The following TMC5 variants were observed in gnomAD, a reference collection of about 807,000 sequenced individuals.
TMC5 encodes transmembrane channel like 5.
TMC5 carries 86 observed loss-of-function variants against 110.5 expected under a neutral mutation model. That is an observed-to-expected ratio of 0.78 (90% CI 0.65 to 0.93). The LOEUF (loss-of-function observed/expected upper bound fraction) is 0.93, where lower values mean the gene tolerates loss of function less well. TMC5 is among the 40% of genes least tolerant of loss of function. The pLI, the probability that TMC5 is intolerant of heterozygous loss-of-function variation, is 0.00. For synonymous variants in TMC5, 455 were observed against 439.5 expected, an observed-to-expected ratio of 1.04 and a Z score of -0.44; for missense variants, 1,144 against 1,222.8, an observed-to-expected ratio of 0.94 and a Z score of 0.96.
intron 5 of TMC5, among the ~76,000 whole-genome samples, chr16:19,452,677 G>C (rs1445523206): frequency 6.6e-6 from 1 of 152,062 alleles, no homozygotes; most frequent in Non-Finnish European, 1.5e-5. Flanking sequence ...AGATCAAAGG[G>C]TGTATGATCT....
Position 19,481,375 on chromosome 16 carries a change from T to G in TMC5, c.2273T>G (p.Ile758Ser). The change falls in exon 15 of 22, where the codon ATT becomes AGT. Residue 758 changes from isoleucine (I) to serine (S), a missense_variant. Physicochemically the swap from Ile to Ser is moderately radical, Grantham distance 142. Transcript: ENST00000542583. ...AACTCAGTATGTTTTCACAGAATCATTGGGATGCAACTGATCACAAGTCTT... is the reference window on the plus strand; with the variant it reads ...AACTCAGTATGTTTTCACAGAATCAGTGGGATGCAACTGATCACAAGTCTT... ...SFLGEFLRRI[I>S]GMQLITSLGL... The G allele has an allele frequency of 6.2e-7, 1 of 1,612,796 alleles. No individual in the cohort carries two copies. Among genetic ancestry groups the G allele is most frequent in the Non-Finnish European group, 8.5e-7 (1 of 1,178,770 alleles).
At chr16:19,479,607 G>A in intron 14 of TMC5, 79 bp downstream of exon 14, 1 of 993,250 alleles carries the variant, frequency 1.0e-6, no homozygotes, top group Non-Finnish European at 1.6e-6. Flanking sequence ...GGGACATACA[G>A]GTGCCTGACA....
At chr16:19,444,577 G>A (rs1967570555) in intron 4 of TMC5, among the ~76,000 whole-genome samples, 1 of 152,144 alleles carries the variant, frequency 6.6e-6, no homozygotes, top group Non-Finnish European at 1.5e-5. Context: ...TTTTTCAGAA[G>A]CCGTGTATTT....
chr16:19,492,915 G>GATAGATAT (rs58561457), intron 19 of TMC5, among the ~76,000 whole-genome samples: 13 of 42,790 alleles, frequency 3.0e-4, no homozygotes, highest in Non-Finnish European at 5.5e-4. Context: ...TTAAAACTTA[G>GATAGATAT]ATATATATAT....
At chr16:19,467,671 G>A (rs56236663) in intron 9 of TMC5, among the ~76,000 whole-genome samples, 77,267 of 151,720 alleles carry the variant, frequency 0.51, 22,969 homozygotes, top group Non-Finnish European at 0.66. Context: ...TATTAGAAAC[G>A]GGGTTTCACC....
rs1567305066 is a variant in TMC5 at position 19,444,190 on chromosome 16, T to G, written c.898T>G (p.Ser300Ala). The G allele has an allele frequency of 3.1e-6, 5 of 1,614,046 alleles. No individual in the cohort carries two copies. Among genetic ancestry groups the G allele is most frequent in the Non-Finnish European group, 4.2e-6 (5 of 1,180,010 alleles). The change falls in exon 4 of 22, where the codon TCC becomes GCC. Residue 300 changes from serine to alanine, a missense_variant. Physicochemically the swap from Ser to Ala is moderately conservative, Grantham distance 99. Transcript: ENST00000542583. ...TTACCCTGAAGGCATTGAAATGGCA[T>G]CCATGGAGATGGCAAACTCATATGG... Reference protein sequence around the residue: ...NDYPEGIEMASMEMANSYGHS... With the variant: ...NDYPEGIEMAAMEMANSYGHS...
intron 5 of TMC5, among the ~76,000 whole-genome samples, chr16:19,458,539 C>G (rs1967943037): frequency 6.6e-6 from 1 of 152,064 alleles, no homozygotes; most frequent in African/African-American, 2.4e-5. Flanking sequence ...GTTTCACCCC[C>G]ACAGTATTCC....
chr16:19,474,381 A>T (rs1335660883), intron 12 of TMC5, 105 bp downstream of exon 12: 4 of 1,341,524 alleles, frequency 3.0e-6, no homozygotes, highest in Non-Finnish European at 4.1e-6. Flanking sequence ...TTCTCCAGAG[A>T]GGAAGAATTT....
intron 5 of TMC5, chr16:19,456,557 C>G: frequency 7.0e-7 from 1 of 1,430,120 alleles, no homozygotes; most frequent in East Asian, 2.5e-5. Context: ...GTGAGCTCAT[C>G]CTGGCATTTT....
At chr16:19,421,588 G>A (rs375475237) in intron 1 of TMC5, among the ~76,000 whole-genome samples, 5 of 152,212 alleles carry the variant, frequency 3.3e-5, no homozygotes, top group Non-Finnish European at 5.9e-5. Context: ...GAAAATGGAC[G>A]ATACACTTGA....
upstream of TMC5, among the ~76,000 whole-genome samples, chr16:19,417,456 G>A (rs1047145176): frequency 1.1e-4 from 16 of 151,426 alleles, no homozygotes; most frequent in African/African-American, 3.9e-4. Context: ...CAGTGCCCGG[G>A]GGTGTCTAGT....
At chr16:19,469,587 C>A in intron 9 of TMC5, 94 bp from the exon 10 acceptor site, 1 of 1,500,586 alleles carries the variant, frequency 6.7e-7, no homozygotes, top group South Asian at 1.2e-5. Context: ...CGTTGCCTTT[C>A]ACCATTAATA....
intron 10 of TMC5, among the ~76,000 whole-genome samples, chr16:19,470,676 A>G (rs74246699): frequency 0.04 from 5,908 of 146,658 alleles, 200 homozygotes; most frequent in East Asian, 0.13. Context: ...CACCATGTCA[A>G]TAGTGCAGAG....
intron 13 of TMC5, 36 bp from the exon 14 acceptor site, chr16:19,479,395 C>A (rs773606524): frequency 1.2e-5 from 18 of 1,478,388 alleles, no homozygotes; most frequent in Admixed American, 3.3e-5. Flanking sequence ...GAGGCCACAG[C>A]CCCTTCCCAC....
intron 14 of TMC5, among the ~76,000 whole-genome samples, chr16:19,480,950 G>T (rs1387646039): frequency 6.6e-6 from 1 of 151,264 alleles, no homozygotes; most frequent in East Asian, 1.9e-4. Context: ...TGTGGATTTA[G>T]AACACAGGGA....
chr16:19,493,627 A>AT, intron 19 of TMC5, among the ~76,000 whole-genome samples: 1 of 151,868 alleles, frequency 6.6e-6, no homozygotes, highest in Admixed American at 6.6e-5. Flanking sequence ...CGCCCAGCTA[A>AT]TTTTTGTATT....
intron 10 of TMC5, among the ~76,000 whole-genome samples, chr16:19,470,194 G>GTTTT (rs557157686): frequency 3.3e-5 from 4 of 119,586 alleles, no homozygotes; most frequent in African/African-American, 1.1e-4. Flanking sequence ...GCGCCCAGCT[G>GTTTT]TTTTTTTTTT....
At chr16:19,457,621 T>C (rs1967912290) in intron 5 of TMC5, among the ~76,000 whole-genome samples, 1 of 150,852 alleles carries the variant, frequency 6.6e-6, no homozygotes, top group African/African-American at 2.4e-5. Context: ...TCCGTTTGCT[T>C]GATGAGGAAA....
intron 1 of TMC5, among the ~76,000 whole-genome samples, chr16:19,421,330 A>G (rs1966977687): frequency 1.3e-5 from 2 of 152,088 alleles, no homozygotes; most frequent in African/African-American, 4.8e-5. Flanking sequence ...ACATGTCATG[A>G]GAGGGACGCT....
Sources: gnomAD v4.1 joint callset for allele counts (sites outside exome capture counted in the v4.1 genomes callset) on GRCh38, gnomAD v4.1.1 for gene constraint, MANE v1.5 for transcripts, NCBI Gene and HGNC (gene_info 2026-07-23, HGNC 2026-07-21) for gene names.